Variants in FAM135B observed in about 807,000 individuals in gnomAD.
FAM135B encodes protein FAM135B.
In FAM135B, 43 loss-of-function variants were observed where a neutral mutation model predicts 127.7. That is an observed-to-expected ratio of 0.34 (90% CI 0.26 to 0.43). The LOEUF is 0.43. Among genes scored for constraint, FAM135B ranks in the 20% least tolerant of loss-of-function variants. The pLI is 1.00. For synonymous variants in FAM135B, 670 were observed against 665.1 expected, an observed-to-expected ratio of 1.01 and a Z score of -0.11; for missense variants, 1,558 against 1,725.6, an observed-to-expected ratio of 0.90 and a Z score of 1.72.
chr8:138,317,887 G>A (rs1262727354), intron 2 of FAM135B, among the ~76,000 whole-genome samples: 1 of 152,228 alleles, frequency 6.6e-6, no homozygotes, highest in African/African-American at 2.4e-5. Flanking sequence ...GGCAGCAGTG[G>A]CCGCCTTGGC....
At chr8:138,449,247 C>A (rs977661168) in intron 1 of FAM135B, among the ~76,000 whole-genome samples, 1 of 152,118 alleles carries the variant, frequency 6.6e-6, no homozygotes, top group Non-Finnish European at 1.5e-5. Flanking sequence ...GAATAAAAGA[C>A]AAGCACAGGC....
chr8:138,487,550 C>T (rs1815027049), intron 1 of FAM135B, among the ~76,000 whole-genome samples: 1 of 151,798 alleles, frequency 6.6e-6, no homozygotes, highest in Non-Finnish European at 1.5e-5. Context: ...GCCCAGCACC[C>T]ACCCGTGCAT....
rs1034083435 is a variant in FAM135B at position 138,260,425 on chromosome 8, C to T, written c.298-3666G>A. The stretch of plus-strand genomic sequence containing the variant: ...AGGAACAGACCCCCCACAGCTAGTG[C>T]CCCCGCGAAAGGGGCACTGCCTCTG... On this transcript the variant is annotated intron_variant, in intron 4 of 19. Transcript: ENST00000395297. Among the ~76,000 whole-genome samples the T allele has an allele frequency of 2.6e-5, 4 of 152,188 alleles. No homozygotes were observed. The East Asian group carries it at 7.8e-4, about 29-fold the overall frequency.
intron 1 of FAM135B, among the ~76,000 whole-genome samples, chr8:138,431,853 A>T (rs1283345603): frequency 2.0e-5 from 3 of 152,210 alleles, no homozygotes; most frequent in African/African-American, 7.2e-5. Flanking sequence ...ACTCAGATTG[A>T]CAGAGAGTCA....
Position 138,243,707 on chromosome 8 carries a change from G to C in FAM135B, c.543-639C>G, listed in dbSNP as rs945221687. Among the ~76,000 whole-genome samples the C allele has an allele frequency of 1.3e-5, 2 of 152,338 alleles. No individual in the cohort carries two copies. The highest frequency in any genetic ancestry group is 2.9e-5 in the Non-Finnish European group (2 of 68,030). On this transcript the variant is annotated intron_variant, in intron 6 of 19. Transcript: ENST00000395297. This position sits in a 1 kb window ranked among gnomAD's most constrained non-coding sequence, Gnocchi z 7.5. ...AATGATCAATTTCAGGATCAAAGGA[G>C]ATTAGGAAAAGATGTGTGATTATTC...
chr8:138,201,444 A>G (rs1451085504), intron 7 of FAM135B, among the ~76,000 whole-genome samples: 1 of 152,214 alleles, frequency 6.6e-6, no homozygotes, highest in Non-Finnish European at 1.5e-5. Context: ...CCTGAAAAAA[A>G]AATATACGGC....
chr8:138,337,552 G>T (rs910810209), intron 2 of FAM135B, among the ~76,000 whole-genome samples: 1 of 151,866 alleles, frequency 6.6e-6, no homozygotes, highest in African/African-American at 2.4e-5. Context: ...AACTTACAAG[G>T]GATGTGAAGG....
At chr8:138,253,413 G>A (rs536047159) in intron 5 of FAM135B, among the ~76,000 whole-genome samples, 1 of 152,110 alleles carries the variant, frequency 6.6e-6, no homozygotes, top group Non-Finnish European at 1.5e-5. Context: ...CTTTCTTGTG[G>A]TGGGAGGGGG....
chr8:138,444,329 C>A (rs376747396), intron 1 of FAM135B, among the ~76,000 whole-genome samples: 2,585 of 152,252 alleles, frequency 0.017, 58 homozygotes, highest in East Asian at 0.081. Context: ...ACTCTCCACC[C>A]CAAATCAACA....
At chr8:138,149,457 T>C (rs1817944169) in intron 13 of FAM135B, among the ~76,000 whole-genome samples, 1 of 152,180 alleles carries the variant, frequency 6.6e-6, no homozygotes. Flanking sequence ...ACTACATGAC[T>C]TGGCTTTACT....
chr8:138,205,892 T>G (rs1380519964), intron 7 of FAM135B, among the ~76,000 whole-genome samples: 1 of 151,784 alleles, frequency 6.6e-6, no homozygotes, highest in Non-Finnish European at 1.5e-5. Context: ...CTGGTCAAGG[T>G]CATGTTCTGA....
intron 3 of FAM135B, among the ~76,000 whole-genome samples, chr8:138,296,829 A>AT (rs1182846533): frequency 6.6e-6 from 1 of 152,058 alleles, no homozygotes; most frequent in Non-Finnish European, 1.5e-5. Context: ...CCTAAAATTG[A>AT]TTTTTTTAAT....
At position 138,137,170 on chromosome 8, in the gene FAM135B, G is replaced by T. The variant is rs374776113; in HGVS notation, c.3992C>A (p.Thr1331Asn). ...FHSARIEMCK[T>N]ALKDRHTGPV... Reference sequence around the variant, plus strand: ...ACCTGTGTGTCTGTCTTTGAGGGCAGTTTTACACATTTCAATCCTGGCTGA... The same window carrying T: ...ACCTGTGTGTCTGTCTTTGAGGGCATTTTTACACATTTCAATCCTGGCTGA... The change falls in exon 19 of 20, where the codon ACT (threonine) becomes AAT (asparagine). Residue 1331 changes from threonine to asparagine, a missense_variant. This residue lies in a region of FAM135B where 194 missense variants were observed against 333.8 expected (regional missense o/e 0.58). Coordinates refer to ENST00000395297, the MANE Select transcript of FAM135B (RefSeq NM_015912.4). 195 of 1,593,472 alleles carry T rather than the reference G, an allele frequency of 1.2e-4. 1 individual carries two copies. In the African/African-American group the frequency reaches 2.2e-3, roughly 18 times the overall value.
chr8:138,439,731 G>A (rs1042770059), intron 1 of FAM135B: 1 of 152,134 alleles, frequency 6.6e-6, no homozygotes. Context: ...CCTCTGCTAG[G>A]GATGTATTAT....
chr8:138,402,185 C>A (rs567322573), intron 1 of FAM135B, among the ~76,000 whole-genome samples: 2 of 143,276 alleles, frequency 1.4e-5, no homozygotes. Flanking sequence ...GCAGACTCAG[C>A]AGTACCTGGA....
chr8:138,365,661 TTAA>T (rs1440240427), intron 2 of FAM135B, among the ~76,000 whole-genome samples: 4 of 152,238 alleles, frequency 2.6e-5, no homozygotes, highest in Non-Finnish European at 5.9e-5. Context: ...GCTTCCATTA[TTAA>T]TATTATCTTC....
intron 3 of FAM135B, among the ~76,000 whole-genome samples, chr8:138,266,589 GTGTATATATATGTATA>G (rs1217882824): frequency 1.4e-5 from 2 of 145,240 alleles, no homozygotes; most frequent in Non-Finnish European, 3.0e-5. Flanking sequence ...ATATATGTGT[GTGTATATATATGTATA>G]TGTATATATA....
At chr8:138,458,755 T>C (rs995112547) in intron 1 of FAM135B, among the ~76,000 whole-genome samples, 5 of 152,178 alleles carry the variant, frequency 3.3e-5, no homozygotes, top group Admixed American at 6.5e-5. Flanking sequence ...CTAAAATATA[T>C]ACCATCTATC....
intron 7 of FAM135B, among the ~76,000 whole-genome samples, chr8:138,213,651 T>C (rs77033808): frequency 0.013 from 2,013 of 152,240 alleles, 16 homozygotes; most frequent in South Asian, 0.026. Context: ...AATTGCTGTT[T>C]ATAGATTTAA....
Sources: allele counts gnomAD v4.1 joint callset (sites outside exome capture counted in the v4.1 genomes callset), GRCh38; gene constraint gnomAD v4.1.1; regional missense constraint gnomAD v4.1.1; non-coding constraint Gnocchi (gnomAD v3.1); transcripts MANE v1.5; gene names NCBI Gene and HGNC (gene_info 2026-07-23, HGNC 2026-07-21).